The following ZNF292 variants were observed in gnomAD, a reference collection of about 807,000 sequenced individuals.
ZNF292 encodes the protein 16 zinc-finger domain protein.
ZNF292 carries 26 observed loss-of-function variants against 217.9 expected under a neutral mutation model. The ratio of observed to expected loss-of-function variants is 0.12; its 90% confidence interval spans 0.09 to 0.17. The LOEUF (loss-of-function observed/expected upper bound fraction) is 0.17. Among genes scored for constraint, ZNF292 ranks in the 10% least tolerant of loss-of-function variants. The pLI, the probability that ZNF292 is intolerant of heterozygous loss-of-function variation, is 1.00. For synonymous variants in ZNF292, 1,257 were observed against 1,124.1 expected (o/e 1.12, Z -2.37); for missense variants, 2,904 against 3,175.2 (o/e 0.91, Z 2.05).
intron 1 of ZNF292, among the ~76,000 whole-genome samples, chr6:87,203,376 T>C (rs1194552932): frequency 6.6e-6 from 1 of 151,878 alleles, no homozygotes; most frequent in African/African-American, 2.4e-5. Flanking sequence ...CTTCTGAGCT[T>C]AAGTGATCCA....
chr6:87,242,153 C>T (rs912308461), intron 5 of ZNF292, among the ~76,000 whole-genome samples: 4 of 152,016 alleles, frequency 2.6e-5, no homozygotes, highest in Non-Finnish European at 4.4e-5. Flanking sequence ...ATATATCCTT[C>T]GGTCTTTTTT....
chr6:87,212,745 C>T (rs1478054064), intron 1 of ZNF292, among the ~76,000 whole-genome samples: 1 of 152,186 alleles, frequency 6.6e-6, no homozygotes, highest in Non-Finnish European at 1.5e-5. Flanking sequence ...CAACCAGGAA[C>T]TAATCCCAGG....
intron 4 of ZNF292, among the ~76,000 whole-genome samples, chr6:87,231,041 A>G (rs1417501048): frequency 4.6e-5 from 7 of 152,228 alleles, no homozygotes; most frequent in African/African-American, 1.4e-4. Context: ...TCTGAGAAGC[A>G]TGAAAACAGT....
At chr6:87,174,555 G>T (rs182450981) in intron 1 of ZNF292, among the ~76,000 whole-genome samples, 9 of 152,206 alleles carry the variant, frequency 5.9e-5, no homozygotes, top group African/African-American at 1.7e-4. Flanking sequence ...TCCTAAACTG[G>T]TGTTTTTTCC....
intron 5 of ZNF292, among the ~76,000 whole-genome samples, chr6:87,235,172 A>G (rs1383793127): frequency 6.6e-6 from 1 of 152,206 alleles, no homozygotes; most frequent in Non-Finnish European, 1.5e-5. Flanking sequence ...TTTTCTTATT[A>G]GTTCCAAATA....
chr6:87,186,619 C>T (rs998794693), intron 1 of ZNF292, among the ~76,000 whole-genome samples: 1 of 152,154 alleles, frequency 6.6e-6, no homozygotes, highest in Non-Finnish European at 1.5e-5. Flanking sequence ...TGGCTCATGC[C>T]TGTAATCCCA....
intron 1 of ZNF292, among the ~76,000 whole-genome samples, chr6:87,175,554 G>T (rs545632561): frequency 2.2e-4 from 34 of 152,192 alleles, no homozygotes; most frequent in African/African-American, 7.9e-4. Flanking sequence ...GCCCAGGCTG[G>T]TCTTGAACTC....
chr6:87,228,363 C>A (rs1247931204), intron 4 of ZNF292, among the ~76,000 whole-genome samples: 1 of 152,134 alleles, frequency 6.6e-6, no homozygotes, highest in East Asian at 1.9e-4. Context: ...AATATTTTCT[C>A]TCATTCCTTT....
At chr6:87,217,455 G>A (rs1322660040) in intron 3 of ZNF292, among the ~76,000 whole-genome samples, 2 of 151,990 alleles carry the variant, frequency 1.3e-5, no homozygotes, top group South Asian at 2.1e-4. Context: ...TCGGATATCC[G>A]TAACTTGTAT....
At chr6:87,188,412 C>A (rs1312256253) in intron 1 of ZNF292, among the ~76,000 whole-genome samples, 1 of 152,050 alleles carries the variant, frequency 6.6e-6, no homozygotes, top group South Asian at 2.1e-4. Flanking sequence ...GTCTTCCTGG[C>A]CTTATATTTC....
chr6:87,259,040 A>G lies in ZNF292; in HGVS notation c.5411A>G (p.Asn1804Ser), dbSNP rs1038588411. Residue 1804 changes from asparagine (N) to serine (S), a missense_variant, in exon 8 of 8, where the codon AAC becomes AGC. Transcript: ENST00000369577. ...CCTTCAGTAAACACTGTGCAAAATA[A>G]CAAATTACCCGATTCTTCTCCGTTT... ...QLPSVNTVQN[N>S]KLPDSSPFSS... is the part of the protein sequence containing the mutation. 6.2e-7 allele frequency: 1 copy of G among 1,613,500 alleles called. No homozygotes were observed. Among genetic ancestry groups the G allele is most frequent in the Middle Eastern group, 1.7e-4 (1 of 6,060 alleles).
At chr6:87,245,752 T>G (rs1237932513) in intron 7 of ZNF292, 108 bp downstream of exon 7, 5 of 699,604 alleles carry the variant, frequency 7.1e-6, no homozygotes, top group Non-Finnish European at 1.1e-5. Flanking sequence ...TTAAATTTTT[T>G]CAGTTAGTCC....
intron 1 of ZNF292, among the ~76,000 whole-genome samples, chr6:87,172,915 A>AT (rs1554194892): frequency 2.5e-3 from 364 of 146,228 alleles, no homozygotes; most frequent in African/African-American, 8.9e-3. Flanking sequence ...AAAAAAAAAA[A>AT]TTTTTTTTTA....
intron 1 of ZNF292, among the ~76,000 whole-genome samples, chr6:87,165,266 G>C (rs528299092): frequency 6.9e-4 from 105 of 152,200 alleles, no homozygotes; most frequent in Non-Finnish European, 1.1e-3. Context: ...TCTACCTCTT[G>C]TAACAGTGTT....
chr6:87,240,824 C>T (rs1774242272), intron 5 of ZNF292, among the ~76,000 whole-genome samples: 1 of 152,166 alleles, frequency 6.6e-6, no homozygotes, highest in Admixed American at 6.5e-5. Context: ...AAGTAAAAAT[C>T]TGTATTTAGC....
chr6:87,209,790 A>C (rs1203191986), intron 1 of ZNF292, among the ~76,000 whole-genome samples: 1 of 152,170 alleles, frequency 6.6e-6, no homozygotes, highest in East Asian at 1.9e-4. Flanking sequence ...TAAAAGTCTC[A>C]GTTTTTGTTT....
At chr6:87,186,532 TATG>T (rs2127780705) in intron 1 of ZNF292, among the ~76,000 whole-genome samples, 1 of 152,328 alleles carries the variant, frequency 6.6e-6, no homozygotes, top group African/African-American at 2.4e-5. Flanking sequence ...TGAACTAACT[TATG>T]ATACTGTATG....
intron 1 of ZNF292, 107 bp from the exon 2 acceptor site, chr6:87,215,796 A>T: frequency 2.6e-6 from 2 of 782,512 alleles, no homozygotes; most frequent in Non-Finnish European, 1.9e-6. Flanking sequence ...TTGTTTTTAT[A>T]AATAAAAATC....
At position 87,258,318 on chromosome 6, in the gene ZNF292, A is replaced by G. The variant is rs950889566; in HGVS notation, c.4689A>G (p.Glu1563=). Residue 1563 remains glutamate (E), a synonymous_variant, in exon 8 of 8, where the codon GAA becomes GAG. Coordinates refer to ENST00000369577, the MANE Select transcript of ZNF292 (RefSeq NM_015021.3). Reference sequence around the variant, plus strand: ...ACTCCAAAACTTCCTCCATTGAGGAATGTAGCAGCTTGCCTGTTTTTCCAA... The same window carrying G: ...ACTCCAAAACTTCCTCCATTGAGGAGTGTAGCAGCTTGCCTGTTTTTCCAA... The part of the protein sequence containing the change: ...TSNSKTSSIE[E]CSSLPVFPTN... 6.2e-7 allele frequency: 1 copy of G among 1,613,596 alleles called. No homozygotes were observed. The highest frequency in any genetic ancestry group is 8.5e-7 in the Non-Finnish European group (1 of 1,179,744).
Sources: allele counts gnomAD v4.1 joint callset (sites outside exome capture counted in the v4.1 genomes callset), GRCh38; gene constraint gnomAD v4.1.1; transcripts MANE v1.5; gene names NCBI Gene and HGNC (gene_info 2026-07-23, HGNC 2026-07-21).